The following COL19A1 variants were observed in gnomAD, a reference collection of about 807,000 sequenced individuals.
COL19A1 encodes collagen type XIX alpha 1 chain.
COL19A1 carries 159 observed loss-of-function variants against 190.2 expected under a neutral mutation model. The observed-to-expected ratio is 0.84, with a 90% CI of 0.73 to 0.95. The LOEUF is 0.95. COL19A1 is among the 40% of genes least tolerant of loss of function. COL19A1 has a pLI of 0.00. For missense variants in COL19A1, 1,418 were observed against 1,431.9 expected, an observed-to-expected ratio of 0.99 and a Z score of 0.16; for synonymous variants, 509 against 458.9, an observed-to-expected ratio of 1.11 and a Z score of -1.39.
chr6:69,965,844 C>T (rs1775058690), intron 11 of COL19A1, among the ~76,000 whole-genome samples: 1 of 152,158 alleles, frequency 6.6e-6, no homozygotes, highest in South Asian at 2.1e-4. Context: ...GATCCTTGGG[C>T]TCTCCAACAG....
chr6:69,967,734 T>C (rs1775197952), intron 11 of COL19A1, among the ~76,000 whole-genome samples: 2 of 152,220 alleles, frequency 1.3e-5, no homozygotes, highest in African/African-American at 4.8e-5. Context: ...TAGAAAACTG[T>C]GTTTAAATAT....
chr6:69,989,719 G>A (rs1407156739), intron 11 of COL19A1, among the ~76,000 whole-genome samples: 1 of 151,972 alleles, frequency 6.6e-6, no homozygotes, highest in Non-Finnish European at 1.5e-5. Flanking sequence ...CACAGAATTA[G>A]ACTAAAATTT....
rs1342922305 is a variant in COL19A1, at chr6:70,188,113, T to C, written c.2895T>C (p.Gly965=). 1.2e-6 allele frequency: 2 copies of C among 1,613,698 alleles called. No individual in the cohort carries two copies. The highest frequency in any genetic ancestry group is 2.2e-5 in the East Asian group (1 of 44,876). ...TTCCAGGAGACAGAGGCTCACAAGG[T>C]GAACGGGGAAAACCAGGCCTTACAG... is the stretch of plus-strand genomic sequence containing the variant. ...QGIPGDRGSQ[G]ERGKPGLTGM... The change falls in exon 47 of 51, where the codon GGT becomes GGC. Residue 965 remains glycine (G), a synonymous_variant. Transcript: ENST00000620364.
At position 70,207,249 on chromosome 6, in the gene COL19A1, C is replaced by G; in HGVS notation, c.3404C>G (p.Ala1135Gly). The G allele has an allele frequency of 1.2e-6, 2 of 1,613,870 alleles. No homozygotes were observed. The highest frequency in any genetic ancestry group is 8.5e-7 in the Non-Finnish European group (1 of 1,179,926). Residue 1135 changes from alanine to glycine, a missense_variant, in exon 51 of 51, where the codon GCC becomes GGC. Coordinates refer to ENST00000620364, the MANE Select transcript of COL19A1 (RefSeq NM_001858.6). ...PEDCLYPVSH[A>G]HQRTGGN ...GATTGCCTCTATCCTGTGTCTCATGCCCATCAGCGCACAGGTGGGAATTGA... is the reference window on the plus strand; with the variant it reads ...GATTGCCTCTATCCTGTGTCTCATGGCCATCAGCGCACAGGTGGGAATTGA...
chr6:70,122,375 C>T (rs762524548), intron 17 of COL19A1, among the ~76,000 whole-genome samples: 2 of 149,986 alleles, frequency 1.3e-5, no homozygotes, highest in Non-Finnish European at 3.0e-5. Context: ...AATGAGAGTC[C>T]CCACCTTTCA....
rs751699768 is a variant in COL19A1 at position 70,199,628 on chromosome 6, T to G, written c.3115T>G (p.Ser1039Ala). 15 of 1,603,142 alleles carry G rather than the reference T, an allele frequency of 9.4e-6. No individual in the cohort carries two copies. The African/African-American group carries it at 1.2e-4, about 13-fold the overall frequency. ...IFEERMAVFL[S>A]QLKLPAAMLA... ...TGAAGAGAGGATGGCTGTATTCCTA[T>G]CCCAGCTCAAGCTGCCAGCAGCAAT... Residue 1039 changes from serine (S) to alanine (A), a missense_variant, in exon 49 of 51, where the codon TCC becomes GCC. Coordinates refer to ENST00000620364, the MANE Select transcript of COL19A1 (RefSeq NM_001858.6).
At chr6:69,957,314 C>T (rs1258242503) in intron 9 of COL19A1, among the ~76,000 whole-genome samples, 1 of 152,042 alleles carries the variant, frequency 6.6e-6, no homozygotes, top group Admixed American at 6.6e-5. Flanking sequence ...CTAAACATCA[C>T]CTAACTTTGT....
At chr6:69,955,264 G>A (rs1774341108) in intron 9 of COL19A1, among the ~76,000 whole-genome samples, 2 of 152,036 alleles carry the variant, frequency 1.3e-5, no homozygotes, top group Admixed American at 1.3e-4. Flanking sequence ...CTCTAGCTTT[G>A]CTATGTGTAG....
intron 11 of COL19A1, among the ~76,000 whole-genome samples, chr6:69,968,909 A>G (rs1171906756): frequency 2.0e-5 from 3 of 152,178 alleles, no homozygotes; most frequent in Non-Finnish European, 4.4e-5. Flanking sequence ...GAAAGAGCCT[A>G]GACTTGATGT....
chr6:69,922,087 GTGTTTGTGCT>G (rs1364989583), intron 4 of COL19A1, among the ~76,000 whole-genome samples: 1 of 152,032 alleles, frequency 6.6e-6, no homozygotes, highest in Non-Finnish European at 1.5e-5. Flanking sequence ...GTCACGTTAA[GTGTTTGTGCT>G]TGTGTGGTAT....
intron 16 of COL19A1, among the ~76,000 whole-genome samples, chr6:70,117,115 A>G (rs1784623926): frequency 1.3e-5 from 2 of 152,216 alleles, no homozygotes; most frequent in Non-Finnish European, 2.9e-5. Context: ...CTAAGGAGCC[A>G]CAGAGCTCCT....
chr6:69,882,876 T>C (rs376687351), intron 2 of COL19A1, among the ~76,000 whole-genome samples: 1 of 152,230 alleles, frequency 6.6e-6, no homozygotes, highest in Non-Finnish European at 1.5e-5. Context: ...TATGCTGTTA[T>C]ATAGAGAATT....
Position 69,928,018 on chromosome 6 carries a change from C to CA in COL19A1, c.377dup (p.Asn127GlufsTer10), listed in dbSNP as rs781741420. On this transcript the variant is annotated frameshift_variant, in exon 5 of 51. Coordinates refer to ENST00000620364, the MANE Select transcript of COL19A1 (RefSeq NM_001858.6). LOFTEE classifies it high-confidence loss of function. Reference sequence around the variant, plus strand: ...GTTTCTGTGGCAGGTTTTAAACCAGCAGAATATTCCACAGGTAAAGTACCA... The same window carrying CA: ...GTTTCTGTGGCAGGTTTTAAACCAGCAAGAATATTCCACAGGTAAAGTACCA... 1 of 1,612,824 alleles carries CA rather than the reference C, an allele frequency of 6.2e-7. No individual in the cohort carries two copies. The highest frequency in any genetic ancestry group is 1.3e-5 in the African/African-American group (1 of 74,888).
intron 8 of COL19A1, among the ~76,000 whole-genome samples, chr6:69,937,139 A>G (rs1465417920): frequency 1.3e-5 from 2 of 152,150 alleles, no homozygotes; most frequent in African/African-American, 2.4e-5. Context: ...GTGAACTAGA[A>G]TGAATAGAAA....
At chr6:69,918,017 ATGAGCCTAGTG>A (rs1453011746) in intron 4 of COL19A1, among the ~76,000 whole-genome samples, 1 of 152,148 alleles carries the variant, frequency 6.6e-6, no homozygotes, top group African/African-American at 2.4e-5. Context: ...CAAGGTCTCA[ATGAGCCTAGTG>A]TGTTCAAGGA....
intron 12 of COL19A1, among the ~76,000 whole-genome samples, chr6:70,031,527 T>A (rs1302394928): frequency 6.6e-6 from 1 of 152,146 alleles, no homozygotes; most frequent in Non-Finnish European, 1.5e-5. Context: ...GTTCAAATTT[T>A]TTTTGCTCCC....
chr6:69,898,925 A>G (rs1205944526), intron 2 of COL19A1, 23 bp from the exon 3 acceptor site: 3 of 1,469,222 alleles, frequency 2.0e-6, no homozygotes, highest in Non-Finnish European at 2.8e-6. Context: ...CAAATCCTCT[A>G]TGCTTTTTTT....
intron 48 of COL19A1, among the ~76,000 whole-genome samples, chr6:70,198,544 G>A (rs1767349109): frequency 6.6e-6 from 1 of 152,258 alleles, no homozygotes; most frequent in South Asian, 2.1e-4. Context: ...TTTTTTAAAT[G>A]TGAGGTATAC....
intron 31 of COL19A1, among the ~76,000 whole-genome samples, chr6:70,152,779 A>C (rs1487418215): frequency 6.6e-6 from 1 of 152,132 alleles, no homozygotes; most frequent in Non-Finnish European, 1.5e-5. Flanking sequence ...TCTTTACAAG[A>C]CAGTGGTGCT....
Sources: allele counts gnomAD v4.1 joint callset (sites outside exome capture counted in the v4.1 genomes callset), GRCh38; gene constraint gnomAD v4.1.1; transcripts MANE v1.5; gene names NCBI Gene and HGNC (gene_info 2026-07-23, HGNC 2026-07-21).